Variants in GPM6A observed in about 807,000 individuals in gnomAD.
GPM6A encodes neuronal membrane glycoprotein M6-a.
In GPM6A, 7 loss-of-function variants were observed where a neutral mutation model predicts 32.1. That is an observed-to-expected ratio of 0.22 (90% confidence interval 0.12 to 0.41). The LOEUF (loss-of-function observed/expected upper bound fraction) is 0.41, where lower values mean the gene tolerates loss of function less well. Among genes scored for constraint, GPM6A ranks in the 10% least tolerant of loss-of-function variants. The pLI is 1.00. For missense variants in GPM6A, 235 were observed against 347.2 expected (o/e 0.68, Z 2.57); for synonymous variants, 130 against 123.4 (o/e 1.05, Z -0.35).
At chr4:175,707,536 T>C (rs1243499104) in intron 1 of GPM6A, among the ~76,000 whole-genome samples, 1 of 152,242 alleles carries the variant, frequency 6.6e-6, no homozygotes, top group Non-Finnish European at 1.5e-5. Context: ...ATCCACAAAC[T>C]TTAAAATTCT....
chr4:175,987,342 A>G (rs1227308111), intron 1 of GPM6A, among the ~76,000 whole-genome samples: 1 of 152,180 alleles, frequency 6.6e-6, no homozygotes, highest in Non-Finnish European at 1.5e-5. Flanking sequence ...AAAGCTTTAA[A>G]TGATCAGCTT....
At chr4:175,980,910 C>G (rs1740798300) in intron 1 of GPM6A, among the ~76,000 whole-genome samples, 1 of 152,154 alleles carries the variant, frequency 6.6e-6, no homozygotes, top group Admixed American at 6.5e-5. Context: ...CATATTATCT[C>G]ATGCATAATC....
chr4:175,712,991 GA>G (rs1487773998), intron 1 of GPM6A, among the ~76,000 whole-genome samples: 2 of 152,180 alleles, frequency 1.3e-5, no homozygotes, highest in Non-Finnish European at 2.9e-5. Flanking sequence ...CAGCACATCA[GA>G]ATTAGTGACC....
chr4:175,709,779 T>C (rs1173328732), intron 1 of GPM6A, among the ~76,000 whole-genome samples: 1 of 152,100 alleles, frequency 6.6e-6, no homozygotes, highest in Admixed American at 6.5e-5. Context: ...CATTTTATTT[T>C]TCAATAAGTC....
chr4:175,886,170 G>A (rs1737449297), intron 1 of GPM6A, among the ~76,000 whole-genome samples: 1 of 152,044 alleles, frequency 6.6e-6, no homozygotes, highest in Non-Finnish European at 1.5e-5. Context: ...AGGAAGAACA[G>A]TCTACCAGTA....
chr4:175,812,108 A>G, intron 1 of GPM6A, 83 bp downstream of exon 1: 4 of 1,010,624 alleles, frequency 4.0e-6, no homozygotes, highest in South Asian at 1.5e-5. Flanking sequence ...AACATTCATT[A>G]GCCTTACTGG....
At chr4:175,773,408 G>C (rs1189446022) in intron 1 of GPM6A, among the ~76,000 whole-genome samples, 1 of 151,888 alleles carries the variant, frequency 6.6e-6, no homozygotes. Context: ...AAACCTAATT[G>C]GCATAGATTG....
chr4:175,650,564 CA>C (rs1741743848), intron 4 of GPM6A, among the ~76,000 whole-genome samples: 1 of 152,058 alleles, frequency 6.6e-6, no homozygotes, highest in African/African-American at 2.4e-5. Flanking sequence ...CTTAGTCTCC[CA>C]AAGTGCTGGG....
intron 1 of GPM6A, among the ~76,000 whole-genome samples, chr4:175,818,430 T>C (rs1735175564): frequency 6.6e-6 from 1 of 152,214 alleles, no homozygotes; most frequent in African/African-American, 2.4e-5. Context: ...AATATACATA[T>C]AGATATAGTC....
intron 1 of GPM6A, among the ~76,000 whole-genome samples, chr4:175,992,119 T>C (rs191747002): frequency 5.5e-4 from 83 of 151,060 alleles, no homozygotes; most frequent in African/African-American, 1.9e-3. Flanking sequence ...TCTAAAAGTT[T>C]AGAGTTGTTA....
At chr4:175,976,847 A>C (rs1487962566) in intron 1 of GPM6A, among the ~76,000 whole-genome samples, 1 of 152,224 alleles carries the variant, frequency 6.6e-6, no homozygotes, top group Non-Finnish European at 1.5e-5. Flanking sequence ...AAATTGCATA[A>C]CAAGTAAGTA....
chr4:175,918,726 G>A (rs762287588), intron 1 of GPM6A, among the ~76,000 whole-genome samples: 17 of 152,064 alleles, frequency 1.1e-4, no homozygotes, highest in Non-Finnish European at 2.1e-4. Flanking sequence ...TCAAAAACAT[G>A]TGTTTCCAGT....
At chr4:175,867,199 G>T (rs1213438737) in intron 1 of GPM6A, among the ~76,000 whole-genome samples, 1 of 152,110 alleles carries the variant, frequency 6.6e-6, no homozygotes, top group East Asian at 1.9e-4. Flanking sequence ...TCAATGTGTG[G>T]CTTGTCTTCT....
At chr4:175,766,093 T>A (rs892403577) in intron 1 of GPM6A, among the ~76,000 whole-genome samples, 4 of 152,212 alleles carry the variant, frequency 2.6e-5, no homozygotes, top group African/African-American at 9.7e-5. Context: ...GTATAACTAC[T>A]CGGTCCTACA....
chr4:175,832,011 G>A (rs13137352), intron 1 of GPM6A, among the ~76,000 whole-genome samples: 123,977 of 151,824 alleles, frequency 0.82, 52,472 homozygotes, highest in Middle Eastern at 0.95. Context: ...GAGCCACCGT[G>A]CCTGGCCTAA....
At chr4:175,677,741 G>A (rs1470938002) in intron 2 of GPM6A, among the ~76,000 whole-genome samples, 3 of 151,928 alleles carry the variant, frequency 2.0e-5, no homozygotes, top group Admixed American at 6.6e-5. Flanking sequence ...CAAAGAACTA[G>A]ATAATATCTG....
At chr4:175,880,792 C>A (rs894480980) in intron 1 of GPM6A, among the ~76,000 whole-genome samples, 9 of 152,108 alleles carry the variant, frequency 5.9e-5, no homozygotes, top group African/African-American at 1.9e-4. Flanking sequence ...TGGGCTGAGA[C>A]GATGGGGTTT....
At chr4:175,924,855 A>AG (rs2111532410) in intron 1 of GPM6A, among the ~76,000 whole-genome samples, 1 of 151,980 alleles carries the variant, frequency 6.6e-6, no homozygotes, top group African/African-American at 2.4e-5. Context: ...AAAAAAAAAA[A>AG]AAAAGAGAGA....
At chr4:175,985,953 G>A (rs753571411) in intron 1 of GPM6A, among the ~76,000 whole-genome samples, 2 of 151,662 alleles carry the variant, frequency 1.3e-5, no homozygotes, top group African/African-American at 2.4e-5. Context: ...TTACAGGCAC[G>A]TGCCACCATA....
Sources: gnomAD v4.1 joint callset for allele counts (sites outside exome capture counted in the v4.1 genomes callset) on GRCh38, gnomAD v4.1.1 for gene constraint, MANE v1.5 for transcripts, NCBI Gene and HGNC (gene_info 2026-07-23, HGNC 2026-07-21) for gene names.